Variants in EDA observed in about 807,000 individuals in gnomAD.
EDA encodes the protein ectodysplasin A, also known as ectodysplasin-A.
EDA carries 2 observed loss-of-function variants against 23.6 expected under a neutral mutation model. The ratio of observed to expected loss-of-function variants is 0.08; its 90% CI spans 0.03 to 0.27. The LOEUF (loss-of-function observed/expected upper bound fraction) is 0.27. Ranked by LOEUF, EDA falls within the 10% of genes least tolerant of loss-of-function variation. The pLI is 1.00. For missense variants in EDA, 229 were observed against 324.2 expected (o/e 0.71, Z 2.26); for synonymous variants, 131 against 132.0 (o/e 0.99, Z 0.05).
At chrX:69,822,478 G>T (rs1192892500) in intron 1 of EDA, among the ~76,000 whole-genome samples, 2 of 111,005 alleles carry the variant, frequency 1.8e-5, no homozygotes, top group Non-Finnish European at 3.8e-5. Flanking sequence ...GAAGAGCATT[G>T]AGGGACAATA....
intron 3 of EDA, among the ~76,000 whole-genome samples, chrX:70,026,985 C>A (rs754801528): frequency 9.0e-6 from 1 of 111,126 alleles, no homozygotes; most frequent in Non-Finnish European, 1.9e-5. Context: ...CCTGGAGGAA[C>A]CTTCCTGGAG....
chrX:69,772,860 C>T (rs954956320), intron 1 of EDA, among the ~76,000 whole-genome samples: 9 of 111,650 alleles, frequency 8.1e-5, no homozygotes, highest in South Asian at 3.8e-4. Flanking sequence ...ATATTGACTA[C>T]GTTGTCTTTA....
intron 1 of EDA, among the ~76,000 whole-genome samples, chrX:69,679,566 G>A (rs1051305644): frequency 9.0e-6 from 1 of 111,606 alleles, no homozygotes; most frequent in Non-Finnish European, 1.9e-5. Flanking sequence ...TATGTGTAGA[G>A]GAATTTATCC....
chrX:69,875,470 A>G (rs978602235), intron 1 of EDA, among the ~76,000 whole-genome samples: 1 of 112,166 alleles, frequency 8.9e-6, no homozygotes, highest in African/African-American at 3.2e-5. Flanking sequence ...CACTTTATAC[A>G]AAAAATCAAC....
chrX:69,975,382 G>C (rs2382969), intron 2 of EDA, among the ~76,000 whole-genome samples: 50,456 of 110,042 alleles, frequency 0.46, 8,473 homozygotes, highest in East Asian at 0.69. Context: ...CCAAATACCA[G>C]GTGTTCTCAC....
chrX:69,917,284 T>C (rs757614736), intron 1 of EDA, among the ~76,000 whole-genome samples: 7 of 111,735 alleles, frequency 6.3e-5, no homozygotes, highest in Non-Finnish European at 1.3e-4. Flanking sequence ...TTAAAAAAAC[T>C]TGAAAACCCA....
intron 1 of EDA, among the ~76,000 whole-genome samples, chrX:69,879,704 G>A (rs1456505506): frequency 8.9e-6 from 1 of 111,962 alleles, no homozygotes; most frequent in Admixed American, 9.5e-5. Flanking sequence ...TCTTTAAGAG[G>A]AAAAGGAAGA....
intron 1 of EDA, among the ~76,000 whole-genome samples, chrX:69,863,314 A>G (rs1169909948): frequency 1.8e-5 from 2 of 109,621 alleles, no homozygotes; most frequent in African/African-American, 6.7e-5. Context: ...ACAAGCTCCA[A>G]TCATGTGCAC....
intron 1 of EDA, among the ~76,000 whole-genome samples, chrX:69,921,033 A>C (rs988001640): frequency 9.0e-6 from 1 of 110,998 alleles, no homozygotes; most frequent in African/African-American, 3.3e-5. Flanking sequence ...TTATAATCCA[A>C]TACGCTTTAT....
At chrX:69,875,878 CAT>C (rs1279243409) in intron 1 of EDA, among the ~76,000 whole-genome samples, 4 of 112,016 alleles carry the variant, frequency 3.6e-5, no homozygotes, top group African/African-American at 1.3e-4. Context: ...AGCCAACAAA[CAT>C]ATGAAAAATG....
intron 1 of EDA, among the ~76,000 whole-genome samples, chrX:69,860,239 A>G (rs1270317278): frequency 6.3e-5 from 7 of 111,192 alleles, no homozygotes; most frequent in Non-Finnish European, 1.3e-4. Flanking sequence ...TAAGATTAGT[A>G]TTGATATGTA....
At chrX:69,919,731 A>G (rs1223553191) in intron 1 of EDA, among the ~76,000 whole-genome samples, 1 of 112,252 alleles carries the variant, frequency 8.9e-6, no homozygotes, top group Non-Finnish European at 1.9e-5. Context: ...AAGTCATAGT[A>G]TTTGTGTTTT....
chrX:69,859,478 A>G (rs1159489801), intron 1 of EDA, among the ~76,000 whole-genome samples: 2 of 112,027 alleles, frequency 1.8e-5, no homozygotes, highest in African/African-American at 6.5e-5. Context: ...CCTTAATTTC[A>G]TTATTTATCC....
intron 1 of EDA, among the ~76,000 whole-genome samples, chrX:69,927,119 G>A (rs1041821935): frequency 9.0e-6 from 1 of 111,364 alleles, no homozygotes; most frequent in African/African-American, 3.3e-5. Flanking sequence ...TTACCAGTCT[G>A]TGTCTTTTAA....
At chrX:69,880,283 C>T (rs1177316533) in intron 1 of EDA, among the ~76,000 whole-genome samples, 1 of 112,229 alleles carries the variant, frequency 8.9e-6, no homozygotes, top group Non-Finnish European at 1.9e-5. Context: ...CTACCCGTCT[C>T]TTGACCTAAT....
intron 1 of EDA, among the ~76,000 whole-genome samples, chrX:69,874,594 T>G (rs2017615712): frequency 9.0e-6 from 1 of 111,357 alleles, no homozygotes; most frequent in African/African-American, 3.3e-5. Context: ...AAGACGAGGA[T>G]GCCCACTTTC....
chrX:70,006,109 C>T (rs146453479), intron 2 of EDA, among the ~76,000 whole-genome samples: 106 of 112,314 alleles, frequency 9.4e-4, no homozygotes, highest in African/African-American at 3.4e-3. Flanking sequence ...GTTTATTTAA[C>T]CATTTACCTA....
chrX:69,713,191 AC>A (rs1379932764), intron 1 of EDA, among the ~76,000 whole-genome samples: 3 of 112,214 alleles, frequency 2.7e-5, no homozygotes, highest in Middle Eastern at 4.7e-3. Context: ...GTGCACATGT[AC>A]CCTAAAACTT....
At chrX:69,990,690 G>A (rs1258034197) in intron 2 of EDA, among the ~76,000 whole-genome samples, 4 of 108,860 alleles carry the variant, frequency 3.7e-5, no homozygotes, top group Non-Finnish European at 7.6e-5. Flanking sequence ...CTCATGCTGG[G>A]TTGCTCCTTT....
Sources: gnomAD v4.1 joint callset for allele counts (sites outside exome capture counted in the v4.1 genomes callset) on GRCh38, gnomAD v4.1.1 for gene constraint, MANE v1.5 for transcripts, NCBI Gene and HGNC (gene_info 2026-07-23, HGNC 2026-07-21) for gene names.